Variants in ABR observed in about 807,000 individuals in gnomAD.
The protein encoded by ABR is active breakpoint cluster region-related protein.
Under a neutral mutation model 107.2 loss-of-function variants are expected in ABR, and 35 were observed. The observed-to-expected ratio is 0.33, with a 90% CI of 0.25 to 0.43. The LOEUF is 0.43. ABR is among the 20% of genes least tolerant of loss of function. The pLI is 1.00. For missense variants in ABR, 815 were observed against 1,115.2 expected (o/e 0.73, Z 3.83); for synonymous variants, 498 against 462.0 (o/e 1.08, Z -1.00).
intron 1 of ABR, among the ~76,000 whole-genome samples, chr17:1,214,499 GA>G (rs1228946994): frequency 3.3e-5 from 5 of 152,194 alleles, no homozygotes; most frequent in Non-Finnish European, 7.4e-5. Flanking sequence ...TTTAAGATTT[GA>G]ATATAAAAAT....
At chr17:1,079,303 T>C in intron 6 of ABR, 27 bp downstream of exon 6, 1 of 1,609,758 alleles carries the variant, frequency 6.2e-7, no homozygotes, top group South Asian at 1.1e-5. Context: ...GGTAGGTGCC[T>C]GTAATCCAGC....
At chr17:1,033,112 G>A (rs898994382) in intron 16 of ABR, among the ~76,000 whole-genome samples, 1 of 152,232 alleles carries the variant, frequency 6.6e-6, no homozygotes, top group Non-Finnish European at 1.5e-5. Flanking sequence ...CATGGATGAT[G>A]CTTTGGATTC....
At position 1,176,869 on chromosome 17, in the gene ABR, CAAAAAAA is replaced by C. The variant is rs67373798; in HGVS notation, c.61+2791_61+2797del. 3.9e-3 allele frequency among the ~76,000 whole-genome samples: 543 copies of C among 139,192 alleles called. 3 individuals are homozygous for C. The highest frequency in any genetic ancestry group is 0.013 in the African/African-American group (501 of 38,188). 91.3% of individuals were successfully genotyped at this position (139,192 alleles called of 152,430 possible). A position where few individuals can be genotyped will look rare whatever the true frequency, so the allele number is the denominator to read the frequency against. On this transcript the variant is annotated intron_variant, in intron 1 of 22. Transcript: ENST00000302538. ...TCAAAACAAAACAAAAAACAAAAAACAAAAAAAAAAAAGAAAAAAGAAAGAAAGAGAA... is the reference window on the plus strand; with the variant it reads ...TCAAAACAAAACAAAAAACAAAAAACAAAAAGAAAAAAGAAAGAAAGAGAA...
chr17:1,079,186 C>G, intron 6 of ABR, 144 bp downstream of exon 6: 2 of 1,473,750 alleles, frequency 1.4e-6, no homozygotes, highest in South Asian at 1.3e-5. Context: ...TCAGCTCACA[C>G]TCACACGCGC....
chr17:1,139,690 G>C (rs1346174796), intron 1 of ABR, among the ~76,000 whole-genome samples: 1 of 152,164 alleles, frequency 6.6e-6, no homozygotes, highest in Admixed American at 6.6e-5. Context: ...AGGGAGTTAA[G>C]TTACTCGCCC....
At chr17:1,014,396 G>T (rs567408473) in intron 16 of ABR, among the ~76,000 whole-genome samples, 7 of 145,720 alleles carry the variant, frequency 4.8e-5, no homozygotes, top group African/African-American at 1.3e-4. Flanking sequence ...AGCCGAGATC[G>T]CGCCACTGCA....
rs935768677 is a variant in ABR, at chr17:1,037,878, G to A, written c.1791+12172C>T. Among the ~76,000 whole-genome samples the A allele has an allele frequency of 2.0e-5, 3 of 152,206 alleles. No individual in the cohort carries two copies. The highest frequency in any genetic ancestry group is 6.5e-5 in the Admixed American group (1 of 15,280). The stretch of plus-strand genomic sequence containing the variant: ...GGAGCCAGGGACCTGTGGACTCAAC[G>A]GCTGTGTTTTTCTCTGGGTTCAGTT... On this transcript the variant is annotated intron_variant, in intron 16 of 22. Transcript: ENST00000302538. The surrounding 1 kb of genome is among the most constrained non-coding windows in gnomAD (Gnocchi z 4.6).
At chr17:1,109,115 G>C (rs1298705905) in intron 2 of ABR, 2 of 1,572,554 alleles carry the variant, frequency 1.3e-6, no homozygotes, top group African/African-American at 2.8e-5. Flanking sequence ...GGTCCACGCA[G>C]CGGCGGCGGG....
intron 1 of ABR, among the ~76,000 whole-genome samples, chr17:1,172,891 CT>C (rs1479184544): frequency 2.0e-5 from 3 of 152,020 alleles, no homozygotes; most frequent in Non-Finnish European, 2.9e-5. Context: ...AACTCTCCCC[CT>C]GGTACAAACA....
At chr17:1,006,233 A>T in intron 22 of ABR, 64 bp from the exon 23 acceptor site, 1 of 1,408,762 alleles carries the variant, frequency 7.1e-7, no homozygotes, top group Non-Finnish European at 9.8e-7. Context: ...TGCTGACTCC[A>T]GCCTGTGTTG....
rs1348343552 is a variant in ABR at position 1,100,692 on chromosome 17, G to A, written c.290C>T (p.Ser97Leu). The change falls in exon 3 of 23, where the codon TCG becomes TTG. Residue 97 changes from serine (S) to leucine (L), a missense_variant. By Grantham distance (145) the Ser-to-Leu change is moderately radical. Coordinates refer to ENST00000302538, the MANE Select transcript of ABR (RefSeq NM_021962.5). ...KGLEMRKLVL[S>L]GFLASEEIYI... Reference sequence around the variant, plus strand: ...GATCTCTTCGCTGGCCAAGAACCCCGAGAGAACCAGCTTCCTCATCTCCAG... The same window carrying A: ...GATCTCTTCGCTGGCCAAGAACCCCAAGAGAACCAGCTTCCTCATCTCCAG... 3.7e-6 allele frequency: 6 copies of A among 1,613,362 alleles called. No homozygotes were observed. Among genetic ancestry groups the A allele is most frequent in the African/African-American group, 2.7e-5 (2 of 74,612 alleles).
intron 18 of ABR, chr17:1,012,277 A>G (rs1597354618): frequency 3.1e-6 from 2 of 645,388 alleles, no homozygotes; most frequent in East Asian, 6.3e-5. Context: ...TGCTTGTAGG[A>G]GGCCCAGCAG....
intron 2 of ABR, among the ~76,000 whole-genome samples, chr17:1,101,659 A>G (rs2037874952): frequency 1.3e-5 from 2 of 152,150 alleles, no homozygotes; most frequent in Non-Finnish European, 2.9e-5. Context: ...CAGGCCCTAT[A>G]GATACCATGG....
intron 6 of ABR, 100 bp from the exon 7 acceptor site, chr17:1,073,777 G>A (rs992080065): frequency 2.6e-5 from 28 of 1,069,436 alleles, no homozygotes; most frequent in Non-Finnish European, 3.6e-5. Context: ...TGCTTCCCAC[G>A]TGAACACCCC....
rs2044193 is a variant in ABR at position 1,061,838 on chromosome 17, T to A, written c.1183-2971A>T. ...CTGGGATTACCGGTGTAAACCACCA[T>A]GCTGGGCCCTAACCACCTGTTTTCT... is the stretch of plus-strand genomic sequence containing the variant. On this transcript the variant is annotated intron_variant, in intron 10 of 22. Coordinates refer to ENST00000302538, the MANE Select transcript of ABR (RefSeq NM_021962.5). 1.0e-3 allele frequency among the ~76,000 whole-genome samples: 154 copies of A among 152,254 alleles called. 3 individuals carry two copies. The South Asian group carries it at 0.03, about 30-fold the overall frequency.
chr17:1,134,862 G>A (rs1193521521), intron 1 of ABR, among the ~76,000 whole-genome samples: 1 of 152,246 alleles, frequency 6.6e-6, no homozygotes, highest in Non-Finnish European at 1.5e-5. Context: ...GCCTGGCACA[G>A]GGTGGCTGCT....
intron 1 of ABR, among the ~76,000 whole-genome samples, chr17:1,192,641 G>C (rs888060517): frequency 6.6e-6 from 1 of 151,724 alleles, no homozygotes; most frequent in Non-Finnish European, 1.5e-5. Context: ...AGCTGGGCAT[G>C]GTGGAAGGCA....
chr17:1,173,850 GCC>G (rs1200611227), intron 1 of ABR, among the ~76,000 whole-genome samples: 2 of 152,196 alleles, frequency 1.3e-5, no homozygotes, highest in Non-Finnish European at 2.9e-5. Context: ...TCCTGTGCCG[GCC>G]TCTCCCAGTC....
intron 1 of ABR, among the ~76,000 whole-genome samples, chr17:1,137,529 T>TG (rs1224687978): frequency 2.0e-5 from 3 of 152,092 alleles, no homozygotes; most frequent in Non-Finnish European, 4.4e-5. Flanking sequence ...CGTTCATAGA[T>TG]GAAGGTTGCC....
Sources: allele counts gnomAD v4.1 joint callset (sites outside exome capture counted in the v4.1 genomes callset), GRCh38; gene constraint gnomAD v4.1.1; non-coding constraint Gnocchi (gnomAD v3.1); transcripts MANE v1.5; gene names NCBI Gene and HGNC (gene_info 2026-07-23, HGNC 2026-07-21).